Variants in ZNF362 observed in about 807,000 individuals in gnomAD.
The protein encoded by ZNF362 is rotund homolog.
Under a neutral mutation model 42.9 loss-of-function variants are expected in ZNF362, and 11 were observed. The observed-to-expected ratio is 0.26, with a 90% CI of 0.16 to 0.42. The LOEUF (loss-of-function observed/expected upper bound fraction) is 0.42, where lower values mean the gene tolerates loss of function less well. Ranked by LOEUF, ZNF362 falls within the 20% of genes least tolerant of loss-of-function variation. The probability of loss-of-function intolerance (pLI) is 1.00; values close to 1 mark genes in which losing one functional copy is unlikely to be tolerated. For synonymous variants in ZNF362, 255 were observed against 257.3 expected (o/e 0.99, Z 0.09); for missense variants, 362 against 576.2 (o/e 0.63, Z 3.81).
the ZNF362 span, among the ~76,000 whole-genome samples, chr1:33,209,544 G>A: frequency 2.0e-5 from 3 of 152,094 alleles, no homozygotes; most frequent in East Asian, 1.9e-4. Context: ...CTGTGACTCC[G>A]TCTGGTCCTG....
chr1:33,186,080 G>T, the ZNF362 span, among the ~76,000 whole-genome samples: 2 of 152,142 alleles, frequency 1.3e-5, no homozygotes, highest in East Asian at 3.9e-4. Context: ...AAATTTATTT[G>T]TAACCTTCAA....
chr1:33,291,829 A>G (rs1475531625), intron 6 of ZNF362, among the ~76,000 whole-genome samples: 1 of 152,148 alleles, frequency 6.6e-6, no homozygotes, highest in East Asian at 1.9e-4. Context: ...TTCTCTTTGA[A>G]GCAATTGTGA....
At chr1:33,153,051 T>A in the ZNF362 span, among the ~76,000 whole-genome samples, 1 of 15,348 alleles carries the variant, frequency 6.5e-5, no homozygotes, top group African/African-American at 2.8e-4. Context: ...GGGTGGGAGG[T>A]GGGGGAGGGT....
At chr1:33,282,058 C>G in intron 6 of ZNF362, 1 of 544,322 alleles carries the variant, frequency 1.8e-6, no homozygotes, top group African/African-American at 1.9e-5. Context: ...CCGCTTTTCC[C>G]TGTTTCTCTG....
chr1:33,174,945 GTATATATATA>G, the ZNF362 span, among the ~76,000 whole-genome samples: 238 of 141,592 alleles, frequency 1.7e-3, 6 homozygotes, highest in South Asian at 0.014. Context: ...ATATATGTGT[GTATATATATA>G]TATATATATA....
intron 2 of ZNF362, among the ~76,000 whole-genome samples, chr1:33,275,750 A>G (rs897940746): frequency 2.6e-5 from 4 of 152,036 alleles, no homozygotes; most frequent in African/African-American, 9.7e-5. Context: ...TATGGAACCT[A>G]CGGGGTTGGC....
At chr1:33,273,800 CA>C (rs1387641788) in intron 2 of ZNF362, among the ~76,000 whole-genome samples, 28 of 152,190 alleles carry the variant, frequency 1.8e-4, no homozygotes. Context: ...ATGAGAATGC[CA>C]GTGGGCACAG....
At chr1:33,229,585 T>G in the ZNF362 span, among the ~76,000 whole-genome samples, 1 of 152,064 alleles carries the variant, frequency 6.6e-6, no homozygotes, top group East Asian at 1.9e-4. Context: ...TTTTGTATTT[T>G]TAGTGTAGAT....
chr1:33,282,266 C>T (rs1030003579), intron 6 of ZNF362, among the ~76,000 whole-genome samples: 2 of 152,244 alleles, frequency 1.3e-5, no homozygotes, highest in African/African-American at 4.8e-5. Context: ...GGCAAGAGCT[C>T]AGTCTCCTCC....
At chr1:33,137,759 T>A in the ZNF362 span, among the ~76,000 whole-genome samples, 10 of 152,308 alleles carry the variant, frequency 6.6e-5, no homozygotes, top group African/African-American at 2.4e-4. Context: ...CTCTGATACC[T>A]ACCTGCCCCT....
the ZNF362 span, among the ~76,000 whole-genome samples, chr1:33,221,548 A>G: frequency 6.6e-6 from 1 of 152,360 alleles, no homozygotes; most frequent in East Asian, 1.9e-4. Flanking sequence ...TTTCTCATCA[A>G]GATCTTATTT....
Position 33,281,995 on chromosome 1 carries a change from C to G in ZNF362, c.908+184C>G. ...ACTGCACCCCGTCCCCACTGTTTCTCATCTCTAGGTCTTTGCACATGCTGT... is the reference window on the plus strand; with the variant it reads ...ACTGCACCCCGTCCCCACTGTTTCTGATCTCTAGGTCTTTGCACATGCTGT... On this transcript the variant is annotated intron_variant, in intron 6 of 8. Transcript: ENST00000539719. This position sits in a 1 kb window ranked among gnomAD's most constrained non-coding sequence, Gnocchi z 4.8. 4.9e-6 allele frequency: 3 copies of G among 614,908 alleles called. No individual in the cohort carries two copies. Among genetic ancestry groups the G allele is most frequent in the Non-Finnish European group, 8.6e-6 (3 of 347,936 alleles). 38.1% of individuals were successfully genotyped at this position (614,908 alleles called of 1,614,324 possible).
intron 1 of ZNF362, among the ~76,000 whole-genome samples, chr1:33,259,281 T>C (rs1645814035): frequency 6.6e-6 from 1 of 152,094 alleles, no homozygotes; most frequent in African/African-American, 2.4e-5. Context: ...CTGGTGATGG[T>C]GTCATGGAAT....
intron 2 of ZNF362, among the ~76,000 whole-genome samples, chr1:33,271,946 T>C (rs1357641550): frequency 6.6e-6 from 1 of 152,198 alleles, no homozygotes; most frequent in African/African-American, 2.4e-5. Flanking sequence ...AAAGGGACTG[T>C]CAGGGAGAGG....
the ZNF362 span, among the ~76,000 whole-genome samples, chr1:33,137,453 A>G: frequency 6.6e-6 from 1 of 152,232 alleles, no homozygotes; most frequent in African/African-American, 2.4e-5. Context: ...TCAACTAATC[A>G]TGAGGCGTAC....
In ZNF362 at chr1:33,281,504, A is replaced by ATG. The variant is rs1645993991; in HGVS notation, c.684-83_684-82insTG. On this transcript the variant is annotated intron_variant, in intron 5 of 8. Coordinates refer to ENST00000539719, the MANE Select transcript of ZNF362 (RefSeq NM_152493.3). The surrounding 1 kb of genome is among the most constrained non-coding windows in gnomAD (Gnocchi z 4.8). ...CACAGGAAAGACCTGTCCCAGGTGC[A>ATG]AGGTCTCTCTGATGTAGAAGGCCTC... 7.4e-7 allele frequency: 1 copy of ATG among 1,343,568 alleles called. No individual in the cohort carries two copies. Among genetic ancestry groups the ATG allele is most frequent in the Non-Finnish European group, 1.1e-6 (1 of 947,848 alleles). The allele number at this position is 1,343,568 out of a possible 1,614,324, so 83.2% of individuals were successfully genotyped here.
the ZNF362 span, among the ~76,000 whole-genome samples, chr1:33,149,603 C>T: frequency 6.6e-6 from 1 of 151,662 alleles, no homozygotes; most frequent in Non-Finnish European, 1.5e-5. Flanking sequence ...TATAGGCATG[C>T]ATCACTATGC....
intron 6 of ZNF362, among the ~76,000 whole-genome samples, chr1:33,292,043 A>C (rs2148132847): frequency 6.6e-6 from 1 of 152,254 alleles, no homozygotes; most frequent in Non-Finnish European, 1.5e-5. Context: ...TCTTTTCCTA[A>C]TTGAATACCC....
chr1:33,132,301 C>G, the ZNF362 span, among the ~76,000 whole-genome samples: 2 of 152,348 alleles, frequency 1.3e-5, no homozygotes, highest in Middle Eastern at 3.4e-3. Context: ...ATAGTCAATA[C>G]TTCTTTTGCT....
Sources: gnomAD v4.1 joint callset for allele counts (sites outside exome capture counted in the v4.1 genomes callset) on GRCh38, gnomAD v4.1.1 for gene constraint, Gnocchi (gnomAD v3.1) non-coding constraint, MANE v1.5 for transcripts, NCBI Gene and HGNC (gene_info 2026-07-23, HGNC 2026-07-21) for gene names.